Variants in AQP11 observed in about 807,000 individuals in gnomAD.
AQP11 encodes the protein aquaporin-11.
Under a neutral mutation model 21.1 loss-of-function variants are expected in AQP11, and 20 were observed. The ratio of observed to expected loss-of-function variants is 0.95; its 90% CI spans 0.67 to 1.38. The LOEUF is 1.38. AQP11 is among the 40% of genes most tolerant of loss of function. The pLI, the probability that AQP11 is intolerant of heterozygous loss-of-function variation, is 0.00. For missense variants in AQP11, 339 were observed against 340.4 expected (o/e 1.00, Z 0.03); for synonymous variants, 167 against 150.1 (o/e 1.11, Z -0.82).
At position 77,596,444 on chromosome 11, in the gene AQP11, T is replaced by TAAA. The variant is rs66671315; in HGVS notation, c.619+5843_619+5845dup. Among the ~76,000 whole-genome samples, 308 of 119,096 alleles carry TAAA rather than the reference T, an allele frequency of 2.6e-3. 1 individual carries two copies. Among genetic ancestry groups the TAAA allele is most frequent in the Middle Eastern group, 0.012 (3 of 244 alleles). The allele number at this position is 119,096 out of a possible 152,430, so 78.1% of individuals were successfully genotyped here. On this transcript the variant is annotated intron_variant, in intron 1 of 2. Transcript: ENST00000313578. ...CAACAGAGCGAGACTATGTCTCAAT[T>TAAA]AAAAAAAAAAAATATATATATATAT...
chr11:77,592,082 A>G (rs1019886804), intron 1 of AQP11, among the ~76,000 whole-genome samples: 5 of 152,134 alleles, frequency 3.3e-5, no homozygotes, highest in Admixed American at 1.3e-4. Flanking sequence ...CCTGGGCAAC[A>G]TAAGAGAAAT....
At chr11:77,602,632 C>T (rs1476891506) in intron 1 of AQP11, among the ~76,000 whole-genome samples, 2 of 152,202 alleles carry the variant, frequency 1.3e-5, no homozygotes, top group African/African-American at 4.8e-5. Context: ...AACACAGCTT[C>T]ATTGTTCTCG....
intron 1 of AQP11, among the ~76,000 whole-genome samples, chr11:77,595,941 A>C (rs1481972846): frequency 3.3e-5 from 5 of 152,112 alleles, no homozygotes; most frequent in Admixed American, 6.5e-5. Context: ...CAACAGAGCA[A>C]GACTCAGTGT....
At chr11:77,606,408 C>T (rs1297658711) in intron 2 of AQP11, among the ~76,000 whole-genome samples, 1 of 152,288 alleles carries the variant, frequency 6.6e-6, no homozygotes, top group East Asian at 1.9e-4. Context: ...GGGAAAGTGA[C>T]TATATTCTCT....
intron 1 of AQP11, 30 bp downstream of exon 1, chr11:77,590,641 T>C (rs749598300): frequency 1.3e-6 from 2 of 1,590,996 alleles, no homozygotes; most frequent in East Asian, 2.2e-5. Flanking sequence ...TACTTGGCAC[T>C]TCCAGAGCCT....
At position 77,596,520 on chromosome 11, in the gene AQP11, A is replaced by ATATGTAAATATATATGTGTAAATATATG. The variant is rs1958781936; in HGVS notation, c.619+5910_619+5911insATGTAAATATATATGTGTAAATATATGT. ...TGTAAATATATATGTGTAAATATATATGTAAATATATATGTAAATATATAT... is the reference window on the plus strand; with the variant it reads ...TGTAAATATATATGTGTAAATATATATATGTAAATATATATGTGTAAATATATGTGTAAATATATATGTAAATATATAT... On this transcript the variant is annotated intron_variant, in intron 1 of 2. Transcript: ENST00000313578. Among the ~76,000 whole-genome samples, 15 of 123,662 alleles carry ATATGTAAATATATATGTGTAAATATATG rather than the reference A, an allele frequency of 1.2e-4. 1 individual carries two copies. Among genetic ancestry groups the ATATGTAAATATATATGTGTAAATATATG allele is most frequent in the African/African-American group, 4.6e-4 (14 of 30,420 alleles). 81.1% of individuals were successfully genotyped at this position (123,662 alleles called of 152,430 possible). A position where few individuals can be genotyped will look rare whatever the true frequency, so the allele number is the denominator to read the frequency against.
At chr11:77,595,939 C>T (rs1958775777) in intron 1 of AQP11, among the ~76,000 whole-genome samples, 1 of 150,908 alleles carries the variant, frequency 6.6e-6, no homozygotes, top group Admixed American at 6.6e-5. Flanking sequence ...AGCAACAGAG[C>T]AAGACTCAGT....
intron 1 of AQP11, 188 bp downstream of exon 1, chr11:77,590,799 G>A: frequency 1.0e-6 from 1 of 985,334 alleles, no homozygotes; most frequent in Non-Finnish European, 1.2e-6. Flanking sequence ...TTCATGCAGT[G>A]CTGCTTTGAA....
At chr11:77,598,587 C>T (rs967467620) in intron 1 of AQP11, among the ~76,000 whole-genome samples, 2 of 152,178 alleles carry the variant, frequency 1.3e-5, no homozygotes, top group Non-Finnish European at 2.9e-5. Flanking sequence ...GACTAAAGTG[C>T]CTTTTGACTG....
chr11:77,596,133 C>T (rs566950943), intron 1 of AQP11, among the ~76,000 whole-genome samples: 192 of 151,982 alleles, frequency 1.3e-3, no homozygotes, highest in Non-Finnish European at 2.2e-3. Flanking sequence ...CGGAGGCGGG[C>T]GGATCACCTG....
At chr11:77,603,789 A>G in intron 2 of AQP11, 117 bp downstream of exon 2, 1 of 720,220 alleles carries the variant, frequency 1.4e-6, no homozygotes. Context: ...ACAGAAAATG[A>G]AAAAGGTAGC....
intron 1 of AQP11, among the ~76,000 whole-genome samples, chr11:77,591,753 A>C (rs544162153): frequency 7.9e-5 from 12 of 152,258 alleles, no homozygotes; most frequent in South Asian, 4.1e-4. Flanking sequence ...GGGCGCCTGT[A>C]ATCTCAGCTA....
At chr11:77,591,797 C>T (rs1033418093) in intron 1 of AQP11, among the ~76,000 whole-genome samples, 2 of 152,144 alleles carry the variant, frequency 1.3e-5, no homozygotes, top group South Asian at 2.1e-4. Flanking sequence ...TTGCTGGAAC[C>T]CGGGAGGCGG....
At chr11:77,599,828 C>T (rs1188641808) in intron 1 of AQP11, among the ~76,000 whole-genome samples, 1 of 151,740 alleles carries the variant, frequency 6.6e-6, no homozygotes, top group Non-Finnish European at 1.5e-5. Flanking sequence ...TCAACCAATC[C>T]GCCCATCTCA....
At chr11:77,599,952 C>T (rs1440647843) in intron 1 of AQP11, among the ~76,000 whole-genome samples, 2 of 151,702 alleles carry the variant, frequency 1.3e-5, no homozygotes, top group African/African-American at 4.8e-5. Flanking sequence ...TATATTATTA[C>T]TGTTATTTAC....
chr11:77,603,049 C>T (rs1417446408), intron 1 of AQP11, among the ~76,000 whole-genome samples: 1 of 152,184 alleles, frequency 6.6e-6, no homozygotes, highest in Non-Finnish European at 1.5e-5. Flanking sequence ...TCTCTCATGA[C>T]TACTCACAGT....
chr11:77,594,433 A>T (rs1430321072), intron 1 of AQP11, among the ~76,000 whole-genome samples: 2 of 152,332 alleles, frequency 1.3e-5, no homozygotes, highest in African/African-American at 4.8e-5. Flanking sequence ...GTAGCAGAAG[A>T]GAACATACTT....
At chr11:77,606,637 G>A (rs748851044) in intron 2 of AQP11, among the ~76,000 whole-genome samples, 4 of 152,114 alleles carry the variant, frequency 2.6e-5, no homozygotes, top group East Asian at 1.9e-4. Context: ...CCTCTGCCTC[G>A]CAGGCGCAAG....
At chr11:77,592,756 C>T (rs1958756297) in intron 1 of AQP11, among the ~76,000 whole-genome samples, 2 of 152,184 alleles carry the variant, frequency 1.3e-5, no homozygotes, top group Non-Finnish European at 2.9e-5. Flanking sequence ...ATCAAAAACA[C>T]TGCCCTTTTT....
Sources: allele counts gnomAD v4.1 joint callset (sites outside exome capture counted in the v4.1 genomes callset), GRCh38; gene constraint gnomAD v4.1.1; transcripts MANE v1.5; gene names NCBI Gene and HGNC (gene_info 2026-07-23, HGNC 2026-07-21).